ACIN1: variants seen among roughly 807,000 people sequenced by gnomAD.
ACIN1 encodes apoptotic chromatin condensation inducer in the nucleus.
A neutral mutation model predicts 146.6 loss-of-function variants in ACIN1; 16 were observed. The ratio of observed to expected loss-of-function variants is 0.11; its 90% CI spans 0.07 to 0.17. ACIN1 has a LOEUF of 0.17. ACIN1 is among the 10% of genes least tolerant of loss of function. The pLI, the probability that ACIN1 is intolerant of heterozygous loss-of-function variation, is 1.00. For missense variants in ACIN1, 1,357 were observed against 1,609.3 expected (o/e 0.84, Z 2.68); for synonymous variants, 569 against 582.7 (o/e 0.98, Z 0.34).
chr14:23,095,255 C>T (rs1353347511), upstream of ACIN1: 1 of 1,605,910 alleles, frequency 6.2e-7, no homozygotes, highest in African/African-American at 1.3e-5. Flanking sequence ...CCGGGTTCCT[C>T]CGGATGTCCT....
chr14:23,062,318 C>T lies in ACIN1; in HGVS notation c.2992-43G>A, dbSNP rs765043323. On this transcript the variant is annotated intron_variant, in intron 15 of 18. Coordinates refer to ENST00000605057, the MANE Select transcript of ACIN1 (RefSeq NM_001386863.1). ...AAGATGGAGGGTCACAGTGTGTCTGCAACCCTTCCCACGTGCTGCAACACC... is the reference window on the plus strand; with the variant it reads ...AAGATGGAGGGTCACAGTGTGTCTGTAACCCTTCCCACGTGCTGCAACACC... 2.1e-5 allele frequency: 34 copies of T among 1,593,840 alleles called. No individual in the cohort carries two copies. In the Admixed American group the frequency reaches 3.3e-4, roughly 16 times the overall value.
intron 16 of ACIN1, 32 bp downstream of exon 16, chr14:23,062,136 C>G: frequency 6.2e-5 from 91 of 1,479,362 alleles, no homozygotes; most frequent in Non-Finnish European, 7.8e-5. Flanking sequence ...TTCCCCTGCC[C>G]CTCCTCTCTT....
chr14:23,078,762 G>A, intron 7 of ACIN1, 58 bp downstream of exon 7: 1 of 1,548,496 alleles, frequency 6.5e-7, no homozygotes, highest in Non-Finnish European at 8.8e-7. Context: ...GCAAAGACAA[G>A]AGGGAAGATC....
chr14:23,081,002 A>G (rs2047929874), intron 5 of ACIN1, among the ~76,000 whole-genome samples, 193 bp from the exon 6 acceptor site: 1 of 152,188 alleles, frequency 6.6e-6, no homozygotes, highest in African/African-American at 2.4e-5. Flanking sequence ...TGACCAAAAG[A>G]AATATCACAA....
At chr14:23,059,876 T>C (rs906433151) in intron 18 of ACIN1, among the ~76,000 whole-genome samples, 1 of 151,740 alleles carries the variant, frequency 6.6e-6, no homozygotes, top group African/African-American at 2.4e-5. Context: ...AGGATGGTCT[T>C]GATCTCCTGA....
At chr14:23,094,706 T>A in intron 1 of ACIN1, 1 of 646,094 alleles carries the variant, frequency 1.5e-6, no homozygotes, top group Non-Finnish European at 2.4e-6. Flanking sequence ...AAGGAGGGGG[T>A]GGGGGAAGGA....
At chr14:23,095,557 C>G (rs17126531), upstream of ACIN1, 28,048 of 464,542 alleles carry the variant, frequency 0.06, 982 homozygotes, top group East Asian at 0.12. Flanking sequence ...TGGAAGCTGC[C>G]GCAGTAGTTG....
chr14:23,092,968 A>C (rs2048265891), intron 2 of ACIN1, among the ~76,000 whole-genome samples: 1 of 152,256 alleles, frequency 6.6e-6, no homozygotes, highest in Non-Finnish European at 1.5e-5. Context: ...GTTGTTTCTT[A>C]TCCTAAGTAA....
At position 23,095,126 on chromosome 14, in the gene ACIN1, C is replaced by A. The variant is rs551704276; in HGVS notation, c.-14G>T. The A allele has an allele frequency of 6.2e-7, 1 of 1,614,284 alleles. No homozygotes were observed. Among genetic ancestry groups the A allele is most frequent in the Non-Finnish European group, 8.5e-7 (1 of 1,180,058 alleles). ...CAGCTCCGCCATCTTGCGTGAGGTA[C>A]TCGGGTCCGTCCCGACGGCTTCGGG... On this transcript the variant is annotated 5_prime_UTR_variant, in exon 1 of 19. Transcript: ENST00000605057.
chr14:23,062,288 G>A lies in ACIN1; in HGVS notation c.2992-13C>T. On this transcript the variant is annotated splice_polypyrimidine_tract_variant and intron_variant, in intron 15 of 18. Coordinates refer to ENST00000605057, the MANE Select transcript of ACIN1 (RefSeq NM_001386863.1). ...CTACTGTTGAGTACTGGTGGAGGAA[G>A]GGAGAAGATGGAGGGTCACAGTGTG... is the stretch of plus-strand genomic sequence containing the variant. The A allele has an allele frequency of 6.2e-7, 1 of 1,611,276 alleles. No individual in the cohort carries two copies. The highest frequency in any genetic ancestry group is 8.5e-7 in the Non-Finnish European group (1 of 1,177,500).
chr14:23,090,713 G>A (rs970101802), intron 2 of ACIN1, 80 bp from the exon 3 acceptor site: 13 of 1,094,024 alleles, frequency 1.2e-5, no homozygotes, highest in East Asian at 7.3e-5. Flanking sequence ...TGGAGCAAAG[G>A]TCCACTCCTT....
rs2047529226 is a variant in ACIN1, at chr14:23,068,585, C to CG, written c.2265+890dup. ...CTCTGATTGGGCAGCTCAGTAGCAGCGGGTGGGTCCAGAGGAAGAGGCGGC... is the reference window on the plus strand; with the variant it reads ...CTCTGATTGGGCAGCTCAGTAGCAGCGGGGTGGGTCCAGAGGAAGAGGCGGC... On this transcript the variant is annotated intron_variant, in intron 9 of 18. Transcript: ENST00000605057. This position sits in a 1 kb window ranked among gnomAD's most constrained non-coding sequence, Gnocchi z 4.3. 2.0e-6 allele frequency: 2 copies of CG among 985,900 alleles called. No individual in the cohort carries two copies. The highest frequency in any genetic ancestry group is 2.4e-6 in the Non-Finnish European group (2 of 829,976). The allele number at this position is 985,900 out of a possible 1,614,324, so 61.1% of individuals were successfully genotyped here.
chr14:23,062,268 G>A lies in ACIN1; in HGVS notation c.2999C>T (p.Thr1000Ile). ...GCGGGTGGCAACAGCTTCCTCTACT[G>A]TTGAGTACTGGTGGAGGAAGGGAGA... ...IKSHCFVTYS[T>I]VEEAVATRTA... The change falls in exon 16 of 19, where the codon ACA (threonine) becomes ATA (isoleucine). Residue 1000 changes from threonine to isoleucine, a missense_variant. Thr to Ile is a moderately conservative substitution (Grantham distance 89). This residue lies in a region of ACIN1 where 509 missense variants were observed against 719.6 expected (regional missense o/e 0.71). Coordinates refer to ENST00000605057, the MANE Select transcript of ACIN1 (RefSeq NM_001386863.1). 3 of 1,613,482 alleles carry A rather than the reference G, an allele frequency of 1.9e-6. No individual in the cohort carries two copies. The highest frequency in any genetic ancestry group is 2.5e-6 in the Non-Finnish European group (3 of 1,179,458).
At position 23,080,812 on chromosome 14, in the gene ACIN1, G is replaced by A. The variant is rs2140164719; in HGVS notation, c.526-3C>T. The A allele has an allele frequency of 6.3e-7, 1 of 1,590,098 alleles. No individual in the cohort carries two copies. On this transcript the variant is annotated splice_polypyrimidine_tract_variant and splice_region_variant and intron_variant, in intron 5 of 18. Transcript: ENST00000605057. ...TCAGACAGTTTAGCTGCTCTTGCCT[G>A]AAAGAACAGATACACAATGGCTCCA...
At chr14:23,078,043 A>G in intron 8 of ACIN1, 108 bp downstream of exon 8, 5 of 959,066 alleles carry the variant, frequency 5.2e-6, no homozygotes, top group Admixed American at 4.2e-5. Context: ...CTCTGCCTTT[A>G]TGTTTTAAAA....
chr14:23,091,189 G>A (rs2048217675), intron 2 of ACIN1, among the ~76,000 whole-genome samples: 1 of 152,124 alleles, frequency 6.6e-6, no homozygotes, highest in African/African-American at 2.4e-5. Flanking sequence ...ACAAGTGTGA[G>A]CCACCGTGCC....
rs114105349 is a variant in ACIN1, at chr14:23,062,984, T to C, written c.2828A>G (p.Gln943Arg). Residue 943 changes from glutamine (Q) to arginine (R), a missense_variant, in exon 14 of 19, where the codon CAG becomes CGG. Physicochemically the swap from Gln to Arg is conservative, Grantham distance 43. Coordinates refer to ENST00000605057, the MANE Select transcript of ACIN1 (RefSeq NM_001386863.1). ...CTTGCCCCGGGGTGGGGAGGGCACCTGGGCAGTTCGGACTGGGTCATCAAT... is the reference window on the plus strand; with the variant it reads ...CTTGCCCCGGGGTGGGGAGGGCACCCGGGCAGTTCGGACTGGGTCATCAAT... Reference protein sequence around the residue: ...ITIDDPVRTAQVPSPPRGKIS... With the variant: ...ITIDDPVRTARVPSPPRGKIS... 6,839 of 1,613,544 alleles carry C rather than the reference T, an allele frequency of 4.2e-3. 17 individuals are homozygous for C. Among genetic ancestry groups the C allele is most frequent in the Non-Finnish European group, 5.1e-3 (6,020 of 1,179,862 alleles).
In ACIN1 at chr14:23,071,450, T is replaced by C. The variant is rs1191299663; in HGVS notation, c.2124-1833A>G. 8 of 1,551,518 alleles carry C rather than the reference T, an allele frequency of 5.2e-6. 1 individual carries two copies. Among genetic ancestry groups the C allele is most frequent in the South Asian group, 2.4e-5 (2 of 84,064 alleles). Reference sequence around the variant, plus strand: ...ACGGCAAACCCCGAGTTCGGCTGGATTGGTCTCTCTGGAGAAGGAGGAAGA... The same window carrying C: ...ACGGCAAACCCCGAGTTCGGCTGGACTGGTCTCTCTGGAGAAGGAGGAAGA... On this transcript the variant is annotated intron_variant, in intron 8 of 18. Coordinates refer to ENST00000605057, the MANE Select transcript of ACIN1 (RefSeq NM_001386863.1).
chr14:23,083,178 C>T (rs2047995158), intron 4 of ACIN1, among the ~76,000 whole-genome samples: 1 of 151,846 alleles, frequency 6.6e-6, no homozygotes, highest in African/African-American at 2.4e-5. Context: ...AGGAAGGTAA[C>T]TGGGTAAATC....
Sources: gnomAD v4.1 joint callset for allele counts (sites outside exome capture counted in the v4.1 genomes callset) on GRCh38, gnomAD v4.1.1 for gene constraint, gnomAD v4.1.1 regional missense constraint, Gnocchi (gnomAD v3.1) non-coding constraint, MANE v1.5 for transcripts, NCBI Gene and HGNC (gene_info 2026-07-23, HGNC 2026-07-21) for gene names.